Variants in KIF15 observed in about 807,000 individuals in gnomAD.
KIF15 encodes kinesin-like protein KIF15.
In KIF15, 140 loss-of-function variants were observed where a neutral mutation model predicts 190.6. That is an observed-to-expected ratio of 0.73 (90% confidence interval 0.64 to 0.84). The LOEUF (loss-of-function observed/expected upper bound fraction) is 0.84. Among genes scored for constraint, KIF15 ranks in the 40% least tolerant of loss-of-function variants. The pLI is 0.00. For missense variants in KIF15, 1,372 were observed against 1,584.4 expected (o/e 0.87, Z 2.28); for synonymous variants, 528 against 551.3 (o/e 0.96, Z 0.59).
At chr3:44,799,060 G>A in intron 10 of KIF15, 1 of 342,488 alleles carries the variant, frequency 2.9e-6, no homozygotes, top group South Asian at 2.3e-5. Flanking sequence ...AGATGAGGAG[G>A]AAAAATCATT....
intron 28 of KIF15, 130 bp from the exon 29 acceptor site, chr3:44,840,944 G>A: frequency 1.2e-6 from 1 of 859,410 alleles, no homozygotes; most frequent in Admixed American, 2.7e-5. Context: ...AAAGTGCTAG[G>A]ATTACAGGTG....
chr3:44,826,513 C>T (rs1332456587), intron 22 of KIF15, 53 bp downstream of exon 22: 2 of 1,198,868 alleles, frequency 1.7e-6, no homozygotes, highest in Non-Finnish European at 2.4e-6. Context: ...TTTAATACCA[C>T]ATTCTTAATC....
chr3:44,807,955 A>T (rs1232551813), intron 16 of KIF15, among the ~76,000 whole-genome samples: 4 of 151,926 alleles, frequency 2.6e-5, no homozygotes, highest in Non-Finnish European at 5.9e-5. Flanking sequence ...TGTTTTTTAG[A>T]GACAGAGTCT....
Position 44,827,455 on chromosome 3 carries a change from C to T in KIF15, c.2787-4C>T. ...AGGGGTAAAAGATAATTATTCTCTTCCAGAGAAATCTTAAAAGTTCTTGAG... is the reference window on the plus strand; with the variant it reads ...AGGGGTAAAAGATAATTATTCTCTTTCAGAGAAATCTTAAAAGTTCTTGAG... On this transcript the variant is annotated splice_region_variant and splice_polypyrimidine_tract_variant and intron_variant, in intron 22 of 34. Transcript: ENST00000326047. 6.2e-7 allele frequency: 1 copy of T among 1,600,012 alleles called. No homozygotes were observed. The highest frequency in any genetic ancestry group is 8.6e-7 in the Non-Finnish European group (1 of 1,167,982).
intron 26 of KIF15, among the ~76,000 whole-genome samples, chr3:44,836,706 T>G (rs1036397942): frequency 6.6e-6 from 1 of 152,216 alleles, no homozygotes; most frequent in Non-Finnish European, 1.5e-5. Context: ...AGCCTAGGTC[T>G]GGTTGCTTAC....
At chr3:44,799,482 G>A (rs968150748) in intron 10 of KIF15, among the ~76,000 whole-genome samples, 1 of 151,916 alleles carries the variant, frequency 6.6e-6, no homozygotes, top group African/African-American at 2.4e-5. Flanking sequence ...TGACCTGGTT[G>A]GTACTCAGCT....
At position 44,830,987 on chromosome 3, in the gene KIF15, T is replaced by C; in HGVS notation, c.3140T>C (p.Leu1047Pro). The C allele has an allele frequency of 6.2e-7, 1 of 1,614,048 alleles. No individual in the cohort carries two copies. Among genetic ancestry groups the C allele is most frequent in the East Asian group, 2.2e-5 (1 of 44,868 alleles). ...GATATTCTGGATCTGAAAGAAACCCTTAGGCTGAGAATACTTTCTGAGGAC... is the reference window on the plus strand; with the variant it reads ...GATATTCTGGATCTGAAAGAAACCCCTAGGCTGAGAATACTTTCTGAGGAC... ...EVDILDLKETLRLRILSEDIE... is the reference protein window; with the variant it reads ...EVDILDLKETPRLRILSEDIE... Residue 1047 changes from leucine to proline, a missense_variant, in exon 26 of 35, where the codon CTT becomes CCT. Coordinates refer to ENST00000326047, the MANE Select transcript of KIF15 (RefSeq NM_020242.3).
chr3:44,791,494 T>G (rs1246498343), intron 7 of KIF15, among the ~76,000 whole-genome samples: 1 of 152,238 alleles, frequency 6.6e-6, no homozygotes, highest in African/African-American at 2.4e-5. Flanking sequence ...TTCTACAAAA[T>G]AGGCTGCTGG....
chr3:44,826,687 A>G (rs2125689216), intron 22 of KIF15, among the ~76,000 whole-genome samples: 1 of 152,350 alleles, frequency 6.6e-6, no homozygotes, highest in Non-Finnish European at 1.5e-5. Flanking sequence ...AATTGGTGGT[A>G]ATCAGAACTC....
Position 44,843,155 on chromosome 3 carries a change from C to A in KIF15, c.3616C>A (p.Leu1206Met), listed in dbSNP as rs3804583. ...GTTGCGTGAAATGGAAAACCTACGC[C>A]TGGAAAGTCAGCAGTTAATAGAGAA... is the stretch of plus-strand genomic sequence containing the variant. ...EQLREMENLR[L>M]ESQQLIEKNW... is the part of the protein sequence containing the mutation. Residue 1206 changes from leucine to methionine, a missense_variant, in exon 30 of 35, where the codon CTG becomes ATG. Physicochemically the swap from Leu to Met is conservative, Grantham distance 15 (BLOSUM62 2). Transcript: ENST00000326047. 783,044 of 1,608,484 alleles carry A rather than the reference C, an allele frequency of 0.49. 199,471 individuals are homozygous for A. The highest frequency in any genetic ancestry group is 0.84 in the East Asian group (37,491 of 44,772).
chr3:44,788,268 G>A (rs554653553), intron 7 of KIF15, among the ~76,000 whole-genome samples: 1 of 152,280 alleles, frequency 6.6e-6, no homozygotes, highest in East Asian at 1.9e-4. Flanking sequence ...AAGAATGTGT[G>A]TTAAAGTTTT....
chr3:44,830,067 G>A lies in KIF15; in HGVS notation c.3040G>A (p.Asp1014Asn), dbSNP rs1697990180. 8.9e-6 allele frequency: 14 copies of A among 1,568,746 alleles called. No individual in the cohort carries two copies. Among genetic ancestry groups the A allele is most frequent in the Non-Finnish European group, 1.1e-5 (13 of 1,156,442 alleles). Residue 1014 changes from aspartate to asparagine, a missense_variant, in exon 25 of 35, where the codon GAC (aspartate) becomes AAC (asparagine). Coordinates refer to ENST00000326047, the MANE Select transcript of KIF15 (RefSeq NM_020242.3). Reference sequence around the variant, plus strand: ...AGACACCCTGAAACAAGAACTGAAGGACATAAATGTAAGTTCGGTCACCAA... The same window carrying A: ...AGACACCCTGAAACAAGAACTGAAGAACATAAATGTAAGTTCGGTCACCAA... ...TIDTLKQELK[D>N]INCKYNSALV...
chr3:44,830,264 A>G (rs549642356), intron 25 of KIF15, among the ~76,000 whole-genome samples, 189 bp downstream of exon 25: 3 of 152,316 alleles, frequency 2.0e-5, no homozygotes, highest in African/African-American at 7.2e-5. Flanking sequence ...AGTGTGTAGT[A>G]TGTATCTCTG....
rs1455415475 is a variant in KIF15, at chr3:44,853,132, T to C, written c.*397T>C. The stretch of plus-strand genomic sequence containing the variant: ...GTTCCAACACCTGCAGTGAGTTTAA[T>C]GACTGACTTAGTAGCAGGTACAAGA... On this transcript the variant is annotated 3_prime_UTR_variant, in exon 35 of 35. Coordinates refer to ENST00000326047, the MANE Select transcript of KIF15 (RefSeq NM_020242.3). The C allele has an allele frequency of 1.3e-5, 2 of 154,556 alleles. No individual in the cohort carries two copies. The highest frequency in any genetic ancestry group is 4.8e-5 in the African/African-American group (2 of 41,548). 9.6% of individuals were successfully genotyped at this position (154,556 alleles called of 1,614,324 possible). A position where few individuals can be genotyped will look rare whatever the true frequency, so the allele number is the denominator to read the frequency against.
chr3:44,812,548 A>G (rs945717536), intron 18 of KIF15, among the ~76,000 whole-genome samples: 1 of 152,208 alleles, frequency 6.6e-6, no homozygotes, highest in African/African-American at 2.4e-5. Flanking sequence ...CAATAATGCA[A>G]ATGGATCCCT....
chr3:44,762,363 A>G (rs1342785547), intron 1 of KIF15, among the ~76,000 whole-genome samples: 2 of 152,254 alleles, frequency 1.3e-5, no homozygotes, highest in Non-Finnish European at 2.9e-5. Flanking sequence ...GGAATGTTAA[A>G]ACACAGATGT....
chr3:44,788,034 C>T (rs2372830), intron 7 of KIF15, among the ~76,000 whole-genome samples: 90,356 of 151,466 alleles, frequency 0.6, 27,451 homozygotes, highest in East Asian at 0.88. Flanking sequence ...TTTTGTATTT[C>T]AGGAGAGACG....
chr3:44,833,025 AAAAG>A (rs1369310024), intron 26 of KIF15, among the ~76,000 whole-genome samples: 6 of 152,014 alleles, frequency 3.9e-5, no homozygotes, highest in South Asian at 2.1e-4. Context: ...AAAAAAAAAA[AAAAG>A]AAGATTAAAG....
At chr3:44,861,491 G>T (rs939712606) in intron 6 of KIF15, among the ~76,000 whole-genome samples, 10 of 152,208 alleles carry the variant, frequency 6.6e-5, no homozygotes, top group African/African-American at 1.9e-4. Flanking sequence ...GGCATCTCTT[G>T]GTCCGGCGGT....
Sources: allele counts gnomAD v4.1 joint callset (sites outside exome capture counted in the v4.1 genomes callset), GRCh38; gene constraint gnomAD v4.1.1; transcripts MANE v1.5; gene names NCBI Gene and HGNC (gene_info 2026-07-23, HGNC 2026-07-21).